The following ABCA2 variants were observed in gnomAD, a reference collection of about 807,000 sequenced individuals.
ABCA2 encodes the protein ATP-binding cassette sub-family A member 2.
In ABCA2, 84 loss-of-function variants were observed where a neutral mutation model predicts 262.8. The observed-to-expected ratio is 0.32, with a 90% CI of 0.27 to 0.38. The LOEUF is 0.38. ABCA2 is among the 10% of genes least tolerant of loss of function. ABCA2 has a pLI of 1.00. For synonymous variants in ABCA2, 1,696 were observed against 1,502.9 expected, an observed-to-expected ratio of 1.13 and a Z score of -2.97; for missense variants, 2,662 against 3,405.9, an observed-to-expected ratio of 0.78 and a Z score of 5.44.
At position 137,018,369 on chromosome 9, in the gene ABCA2, G is replaced by T; in HGVS notation, c.1820-18C>A. The T allele has an allele frequency of 6.3e-7, 1 of 1,579,434 alleles. No individual in the cohort carries two copies. The highest frequency in any genetic ancestry group is 8.6e-7 in the Non-Finnish European group (1 of 1,168,738). The stretch of plus-strand genomic sequence containing the variant: ...GATCACACCTGGGGCCGGGAGGTTG[G>T]GGCGGGGCCAAGATGCAGGGGCGGG... On this transcript the variant is annotated intron_variant, in intron 13 of 48. Transcript: ENST00000341511.
chr9:137,012,190 C>A, intron 33 of ABCA2, 28 bp from the exon 34 acceptor site: 1 of 1,610,376 alleles, frequency 6.2e-7, no homozygotes. Flanking sequence ...GGGGCGGCAG[C>A]TTCAGGCCCC....
Position 137,017,665 on chromosome 9 carries a change from C to G in ABCA2, c.2239G>C (p.Ala747Pro). Residue 747 changes from alanine (A) to proline (P), a missense_variant, in exon 17 of 49, where the codon GCG becomes CCG. Ala to Pro is a conservative substitution (Grantham distance 27). Transcript: ENST00000341511. ...ATGAACCAGGCCACCCAGTGCACCG[C>G]GTTGTTCAGGCCCATGGTCTTCATC... ...EVMKTMGLNN[A>P]VHWVAWFITG... The G allele has an allele frequency of 6.2e-7, 1 of 1,612,036 alleles. No individual in the cohort carries two copies. The highest frequency in any genetic ancestry group is 8.5e-7 in the Non-Finnish European group (1 of 1,179,316).
intron 26 of ABCA2, 140 bp downstream of exon 26, chr9:137,014,550 G>A (rs567999230): frequency 2.1e-5 from 30 of 1,462,442 alleles, no homozygotes; most frequent in Admixed American, 8.7e-5. Context: ...ACCTAGGACC[G>A]CAGGCTAACC....
chr9:137,011,122 C>T lies in ABCA2; in HGVS notation c.5924-17G>A, dbSNP rs760642212. Reference sequence around the variant, plus strand: ...CAAACTGGCCTGCGGGGAGACAGCTCAGGGCCTGTGCTCTGGGCCTTGCGG... The same window carrying T: ...CAAACTGGCCTGCGGGGAGACAGCTTAGGGCCTGTGCTCTGGGCCTTGCGG... On this transcript the variant is annotated splice_polypyrimidine_tract_variant and intron_variant, in intron 38 of 48. Coordinates refer to ENST00000341511, the MANE Select transcript of ABCA2 (RefSeq NM_001606.5). The surrounding 1 kb of genome is among the most constrained non-coding windows in gnomAD (Gnocchi z 8.8). 1.9e-6 allele frequency: 3 copies of T among 1,612,320 alleles called. No homozygotes were observed. The highest frequency in any genetic ancestry group is 2.5e-6 in the Non-Finnish European group (3 of 1,179,780).
At chr9:137,018,126 A>G in intron 14 of ABCA2, 51 bp from the exon 15 acceptor site, 1 of 1,609,086 alleles carries the variant, frequency 6.2e-7, no homozygotes, top group South Asian at 1.1e-5. Context: ...TCGTCCTCAC[A>G]CCTGTCCTCC....
In ABCA2 at chr9:137,009,045, T is replaced by C. The variant is rs1830936355; in HGVS notation, c.6836A>G (p.Asp2279Gly). 1.2e-6 allele frequency: 2 copies of C among 1,606,674 alleles called. No homozygotes were observed. Among genetic ancestry groups the C allele is most frequent in the Non-Finnish European group, 8.5e-7 (1 of 1,179,674 alleles). ...SIQHLKNRFGDGYMITVRTKS... is the reference protein window; with the variant it reads ...SIQHLKNRFGGGYMITVRTKS... Reference sequence around the variant, plus strand: ...GGTCCGCACCGTGATCATGTAGCCATCTCCAAACCTGGTGGGACAGGCCGG... The same window carrying C: ...GGTCCGCACCGTGATCATGTAGCCACCTCCAAACCTGGTGGGACAGGCCGG... The change falls in exon 46 of 49, where the codon GAT becomes GGT. Residue 2279 changes from aspartate (D) to glycine (G), a missense_variant. By Grantham distance (94) the Asp-to-Gly change is moderately conservative. Around this residue, in one of 12 missense-constraint regions of ABCA2, gnomAD observed 602 missense variants for 897.4 expected, o/e 0.67. Coordinates refer to ENST00000341511, the MANE Select transcript of ABCA2 (RefSeq NM_001606.5).
chr9:137,028,754 G>A, upstream of ABCA2: 8 of 1,284,302 alleles, frequency 6.2e-6, no homozygotes, highest in Non-Finnish European at 8.1e-6. This position sits in a 1 kb window ranked among gnomAD's most constrained non-coding sequence, Gnocchi z 6.9. Flanking sequence ...GGTCCGTCCC[G>A]CGATTCCGAG....
rs752397484 is a variant in ABCA2, at chr9:137,022,727, C to T, written c.414G>A (p.Ser138=). 1.2e-5 allele frequency: 19 copies of T among 1,606,136 alleles called. No individual in the cohort carries two copies. The highest frequency in any genetic ancestry group is 1.9e-4 in the Middle Eastern group (1 of 5,340). ...LEALSAGPGT[S]GSHLDRSTVS... is the part of the protein sequence containing the mutation. ...CTGTGGATCTGTCCAGGTGGCTCCC[C>T]GAGGTGCCCGGGCCCGCACTGAGGG... The change falls in exon 5 of 49, where the codon TCG becomes TCA. Residue 138 remains serine (S), a synonymous_variant. Transcript: ENST00000341511.
chr9:137,016,544 C>A, intron 20 of ABCA2, 30 bp downstream of exon 20: 1 of 1,612,160 alleles, frequency 6.2e-7, no homozygotes, highest in South Asian at 1.1e-5. Context: ...CCAGCGCCCA[C>A]CCCAGCCACC....
In ABCA2 at chr9:137,028,043, G is replaced by T; in HGVS notation, c.66+32C>A. The T allele has an allele frequency of 1.0e-6, 1 of 976,096 alleles. No homozygotes were observed. Among genetic ancestry groups the T allele is most frequent in the South Asian group, 4.5e-5 (1 of 21,984 alleles). The allele number at this position is 976,096 out of a possible 1,614,324, so 60.5% of individuals were successfully genotyped here. On this transcript the variant is annotated intron_variant, in intron 1 of 48. Transcript: ENST00000341511. This position sits in a 1 kb window ranked among gnomAD's most constrained non-coding sequence, Gnocchi z 6.9. ...CTCTGGCCGCGGTGCGCGCGGCCTC[G>T]GGCTGAGGGCGGGCGCGTGGGGTGG... is the stretch of plus-strand genomic sequence containing the variant.
Position 137,008,427 on chromosome 9 carries a change from C to G in ABCA2, c.7264G>C (p.Glu2422Gln). 1 of 1,551,096 alleles carries G rather than the reference C, an allele frequency of 6.4e-7. No individual in the cohort carries two copies. The highest frequency in any genetic ancestry group is 8.7e-7 in the Non-Finnish European group (1 of 1,147,648). The change falls in exon 48 of 49, where the codon GAG becomes CAG. Residue 2422 changes from glutamate to glutamine, a missense_variant. Glu to Gln is a conservative substitution (Grantham distance 29, BLOSUM62 2). Coordinates refer to ENST00000341511, the MANE Select transcript of ABCA2 (RefSeq NM_001606.5). ...DTEDEGLISF[E>Q]EERAQLSFNT... ...AGCAGCCTGCTCACCCGCTCCTCCT[C>G]GAAGCTGATGAGGCCCTCGTCCTCC...
chr9:137,019,559 A>T lies in ABCA2; in HGVS notation c.1426-253T>A. 2.2e-6 allele frequency: 1 copy of T among 452,032 alleles called. No individual in the cohort carries two copies. Among genetic ancestry groups the T allele is most frequent in the Non-Finnish European group, 4.0e-6 (1 of 252,604 alleles). The allele number at this position is 452,032 out of a possible 1,614,324, so 28.0% of individuals were successfully genotyped here. A position where few individuals can be genotyped will look rare whatever the true frequency, so the allele number is the denominator to read the frequency against. Reference sequence around the variant, plus strand: ...CGCCTCAGCCCTCCAAGTAGCTGGGATTACAGGTGCCCACCACCACGCCTG... The same window carrying T: ...CGCCTCAGCCCTCCAAGTAGCTGGGTTTACAGGTGCCCACCACCACGCCTG... On this transcript the variant is annotated intron_variant, in intron 10 of 48. Coordinates refer to ENST00000341511, the MANE Select transcript of ABCA2 (RefSeq NM_001606.5). The surrounding 1 kb of genome is among the most constrained non-coding windows in gnomAD (Gnocchi z 4.4).
At position 137,007,745 on chromosome 9, in the gene ABCA2, C is replaced by T. The variant is rs974236360; in HGVS notation, c.*184G>A. 35 of 788,610 alleles carry T rather than the reference C, an allele frequency of 4.4e-5. No homozygotes were observed. Among genetic ancestry groups the T allele is most frequent in the African/African-American group, 1.0e-4 (6 of 58,162 alleles). 48.9% of individuals were successfully genotyped at this position (788,610 alleles called of 1,614,324 possible). A position where few individuals can be genotyped will look rare whatever the true frequency, so the allele number is the denominator to read the frequency against. On this transcript the variant is annotated 3_prime_UTR_variant, in exon 49 of 49. Coordinates refer to ENST00000341511, the MANE Select transcript of ABCA2 (RefSeq NM_001606.5). ...GGTCAGCCTTTGGCACAATTAGGGG[C>T]GGCAACCGCAGTGACCACAGGGCAT...
Position 137,011,634 on chromosome 9 carries a change from C to T in ABCA2, c.5651G>A (p.Gly1884Glu). 1 of 1,553,106 alleles carries T rather than the reference C, an allele frequency of 6.4e-7. No individual in the cohort carries two copies. Among genetic ancestry groups the T allele is most frequent in the Non-Finnish European group, 8.7e-7 (1 of 1,148,712 alleles). ...CGCTCCCCCCTCCGCTTCCGCTTAC[C>T]CATAGAGCAGGAAGAGGGAGAGGAC... is the stretch of plus-strand genomic sequence containing the variant. ...PAVLSLFLLYGWSITPIMYPA... is the reference protein window; with the variant it reads ...PAVLSLFLLYEWSITPIMYPA... Residue 1884 changes from glycine (G) to glutamate (E), a missense_variant and splice_region_variant, in exon 36 of 49, where the codon GGG becomes GAG. Transcript: ENST00000341511. The surrounding 1 kb of genome is among the most constrained non-coding windows in gnomAD (Gnocchi z 8.8).
At chr9:137,023,210 C>T (rs1831540456) in intron 3 of ABCA2, 158 bp from the exon 4 acceptor site, 3 of 667,390 alleles carry the variant, frequency 4.5e-6, no homozygotes, top group Non-Finnish European at 7.8e-6. Flanking sequence ...AGCCCTGGCC[C>T]CAGCTGGGCT....
At chr9:137,008,065 G>A in intron 48 of ABCA2, 101 bp from the exon 49 acceptor site, 1 of 1,449,466 alleles carries the variant, frequency 6.9e-7, no homozygotes, top group East Asian at 2.4e-5. Context: ...TGCAGGCTGG[G>A]CCTGGACGCA....
rs541327841 is a variant in ABCA2 at position 137,007,746 on chromosome 9, G to C, written c.*183C>G. ...GTCAGCCTTTGGCACAATTAGGGGC[G>C]GCAACCGCAGTGACCACAGGGCATG... On this transcript the variant is annotated 3_prime_UTR_variant, in exon 49 of 49. Transcript: ENST00000341511. 5.0e-6 allele frequency: 4 copies of C among 799,606 alleles called. No homozygotes were observed. In the African/African-American group the frequency reaches 6.9e-5, roughly 14 times the overall value. 49.5% of individuals were successfully genotyped at this position (799,606 alleles called of 1,614,324 possible). A position where few individuals can be genotyped will look rare whatever the true frequency, so the allele number is the denominator to read the frequency against.
rs1267980711 is a variant in ABCA2, at chr9:137,018,082, G to A, written c.1994-7C>T. The A allele has an allele frequency of 6.2e-7, 1 of 1,612,006 alleles. No individual in the cohort carries two copies. Among genetic ancestry groups the A allele is most frequent in the Non-Finnish European group, 8.5e-7 (1 of 1,179,672 alleles). ...ATGGCGCGCTCCATCATGTCTGTGG[G>A]TGGGGGCAGCCATCAGGTGCCGGGC... On this transcript the variant is annotated splice_region_variant and splice_polypyrimidine_tract_variant and intron_variant, in intron 14 of 48. Coordinates refer to ENST00000341511, the MANE Select transcript of ABCA2 (RefSeq NM_001606.5).
rs1831083325 is a variant in ABCA2, at chr9:137,012,304, C to T, written c.5260G>A (p.Ala1754Thr). 6.8e-7 allele frequency: 1 copy of T among 1,469,882 alleles called. No individual in the cohort carries two copies. Among genetic ancestry groups the T allele is most frequent in the Non-Finnish European group, 9.2e-7 (1 of 1,091,050 alleles). The allele number at this position is 1,469,882 out of a possible 1,614,324, so 91.1% of individuals were successfully genotyped here. A position where few individuals can be genotyped will look rare whatever the true frequency, so the allele number is the denominator to read the frequency against. ...TTGCCCTTGCTCTTGGGCAGGTTGG[C>T]ACGCAGGATGGCGTTGTTGAGGCTG... The part of the protein sequence containing the change: ...LNSLNNAILR[A>T]NLPKSKGNPA... Residue 1754 changes from alanine to threonine, a missense_variant, in exon 33 of 49, where the codon GCC becomes ACC. By Grantham distance (58) the Ala-to-Thr change is moderately conservative. Coordinates refer to ENST00000341511, the MANE Select transcript of ABCA2 (RefSeq NM_001606.5).
Sources: gnomAD v4.1 joint callset for allele counts on GRCh38, gnomAD v4.1.1 for gene constraint, gnomAD v4.1.1 regional missense constraint, Gnocchi (gnomAD v3.1) non-coding constraint, MANE v1.5 for transcripts, NCBI Gene and HGNC (gene_info 2026-07-23, HGNC 2026-07-21) for gene names.